Variants in SMYD4 observed in about 807,000 individuals in gnomAD.
SMYD4 encodes the protein SET and MYND domain containing 4, also known as protein-lysine N-methyltransferase SMYD4.
SMYD4 carries 68 observed loss-of-function variants against 72.8 expected under a neutral mutation model. That is an observed-to-expected ratio of 0.93 (90% CI 0.77 to 1.14). SMYD4 has a LOEUF of 1.14. Ranked by LOEUF, SMYD4 falls within the 50% of genes most tolerant of loss-of-function variation. The pLI, the probability that SMYD4 is intolerant of heterozygous loss-of-function variation, is 0.00. For missense variants in SMYD4, 984 were observed against 1,003.7 expected (o/e 0.98, Z 0.27); for synonymous variants, 407 against 388.6 (o/e 1.05, Z -0.56).
intron 2 of SMYD4, among the ~76,000 whole-genome samples, chr17:1,816,928 TAGG>T (rs1910631549): frequency 6.6e-6 from 1 of 152,134 alleles, no homozygotes; most frequent in African/African-American, 2.4e-5. Flanking sequence ...TATTGAGTTG[TAGG>T]AGTTCTTTAT....
At chr17:1,828,667 G>A (rs1050973022) in intron 1 of SMYD4, among the ~76,000 whole-genome samples, 2 of 148,502 alleles carry the variant, frequency 1.3e-5, no homozygotes, top group Admixed American at 1.4e-4. Flanking sequence ...GCACCATCTC[G>A]GCTCACTGCA....
At chr17:1,794,866 A>G (rs1285098880) in intron 5 of SMYD4, among the ~76,000 whole-genome samples, 2 of 152,062 alleles carry the variant, frequency 1.3e-5, no homozygotes, top group African/African-American at 4.8e-5. Flanking sequence ...AGGAAACTCA[A>G]AGTTTTCAGT....
chr17:1,784,297 G>A (rs1243477801), intron 8 of SMYD4, 29 bp downstream of exon 8: 2 of 1,613,746 alleles, frequency 1.2e-6, no homozygotes, highest in Non-Finnish European at 8.5e-7. Context: ...GGAAGGGGCT[G>A]GAGGACCAAA....
At chr17:1,814,598 G>C (rs1243159497) in intron 2 of SMYD4, 1 of 152,016 alleles carries the variant, frequency 6.6e-6, no homozygotes, top group Non-Finnish European at 1.5e-5. Context: ...GGCCGAGGTG[G>C]GCAGGTCACC....
In SMYD4 at chr17:1,784,341, T is replaced by C. The variant is rs760193709; in HGVS notation, c.2005A>G (p.Arg669Gly). 30 of 1,614,078 alleles carry C rather than the reference T, an allele frequency of 1.9e-5. No homozygotes were observed. Among genetic ancestry groups the C allele is most frequent in the Non-Finnish European group, 2.5e-5 (29 of 1,180,044 alleles). The change falls in exon 8 of 11, where the codon AGA becomes GGA. Residue 669 changes from arginine (R) to glycine (G), a missense_variant. Physicochemically the swap from Arg to Gly is moderately radical, Grantham distance 125. Coordinates refer to ENST00000305513, the MANE Select transcript of SMYD4 (RefSeq NM_052928.3). ...CCAGTCTCACCTAGTTCACCATCTC[T>C]GAGAAGCTTCTGGGCCACTCTGACC... is the stretch of plus-strand genomic sequence containing the variant. The part of the protein sequence containing the change: ...QQVRVAQKLL[R>G]DGELERAVQR...
intron 5 of SMYD4, among the ~76,000 whole-genome samples, chr17:1,796,771 A>G (rs1909431035): frequency 6.6e-6 from 1 of 152,144 alleles, no homozygotes; most frequent in East Asian, 1.9e-4. Flanking sequence ...TGGAATCAAG[A>G]GTTGGTAACT....
chr17:1,817,119 C>T (rs1406975697), intron 2 of SMYD4, among the ~76,000 whole-genome samples: 1 of 151,690 alleles, frequency 6.6e-6, no homozygotes, highest in African/African-American at 2.4e-5. Context: ...GCCACTGCAA[C>T]CTCCGCCTCC....
rs777365981 is a variant in SMYD4 at position 1,799,906 on chromosome 17, C to G, written c.1488G>C (p.Met496Ile). The G allele has an allele frequency of 4.3e-6, 7 of 1,613,426 alleles. No individual in the cohort carries two copies. In the South Asian group the frequency reaches 6.6e-5, roughly 15 times the overall value. ...CCTGAGCGTTACACTGAAGCTGTAA[C>G]ATGTGTCTCAGCATCGCCACTCCCC... ...TIWGVAMLRH[M>I]LQLQCNAQAM... The change falls in exon 5 of 11, where the codon ATG (methionine) becomes ATC (isoleucine). Residue 496 changes from methionine (M) to isoleucine (I), a missense_variant. Physicochemically the swap from Met to Ile is conservative, Grantham distance 10. Transcript: ENST00000305513.
chr17:1,809,263 A>AT (rs1910197289), intron 3 of SMYD4, among the ~76,000 whole-genome samples: 1 of 152,180 alleles, frequency 6.6e-6, no homozygotes, highest in African/African-American at 2.4e-5. Context: ...TTAAGCCCAT[A>AT]TAAGTATCTT....
intron 2 of SMYD4, among the ~76,000 whole-genome samples, chr17:1,818,964 AT>A (rs144756038): frequency 0.057 from 8,690 of 151,922 alleles, 855 homozygotes; most frequent in African/African-American, 0.2. Flanking sequence ...AATTTTTTTA[AT>A]GAGTAATTTT....
chr17:1,793,974 C>T (rs1293144523), intron 5 of SMYD4, among the ~76,000 whole-genome samples: 12 of 126,322 alleles, frequency 9.5e-5, no homozygotes, highest in Admixed American at 3.2e-4. Flanking sequence ...GCATCCACCA[C>T]CACGCTTGGC....
rs1182348282 is a variant in SMYD4 at position 1,800,183 on chromosome 17, A to ATGT, written c.1208_1210dup (p.Asn403dup). ...GCATCCAGGAATTGGGGTCTCAACG[A>ATGT]TGTTGCCATTTTTCTCACTCTCCCC... is the stretch of plus-strand genomic sequence containing the variant. On this transcript the variant is annotated inframe_insertion, in exon 5 of 11. Transcript: ENST00000305513. 6.2e-7 allele frequency: 1 copy of ATGT among 1,610,628 alleles called. No homozygotes were observed. Among genetic ancestry groups the ATGT allele is most frequent in the Non-Finnish European group, 8.5e-7 (1 of 1,177,590 alleles).
chr17:1,798,429 T>C (rs936121306), intron 5 of SMYD4, among the ~76,000 whole-genome samples: 7 of 152,116 alleles, frequency 4.6e-5, no homozygotes, highest in East Asian at 3.9e-4. Flanking sequence ...TATAAGAAAC[T>C]TGCTATTACT....
chr17:1,808,181 T>C (rs1012230071), intron 3 of SMYD4, among the ~76,000 whole-genome samples: 13 of 152,278 alleles, frequency 8.5e-5, no homozygotes, highest in East Asian at 5.8e-4. Context: ...CATATTTACA[T>C]AGAAAGATGC....
intron 8 of SMYD4, 155 bp from the exon 9 acceptor site, chr17:1,783,631 A>C: frequency 7.5e-7 from 1 of 1,324,626 alleles, no homozygotes; most frequent in Non-Finnish European, 1.0e-6. Flanking sequence ...CTGTTCCAAT[A>C]AAGCTGCTGT....
In SMYD4 at chr17:1,811,842, G is replaced by A. The variant is rs937440386; in HGVS notation, c.279+129C>T. On this transcript the variant is annotated intron_variant, in intron 3 of 10. Coordinates refer to ENST00000305513, the MANE Select transcript of SMYD4 (RefSeq NM_052928.3). ...CTCAGGAGACTAAGGTGGGAGGATC[G>A]CTTGAACCCAGGAGGCGAATGTTGC... 26 of 946,452 alleles carry A rather than the reference G, an allele frequency of 2.7e-5. No individual in the cohort carries two copies. The East Asian group carries it at 2.8e-4, about 10-fold the overall frequency. The allele number at this position is 946,452 out of a possible 1,614,324, so 58.6% of individuals were successfully genotyped here.
chr17:1,804,046 T>C (rs1909909301), intron 4 of SMYD4, among the ~76,000 whole-genome samples: 1 of 151,302 alleles, frequency 6.6e-6, no homozygotes, highest in South Asian at 2.1e-4. Context: ...CAGCTCATTT[T>C]TTGTATTTTT....
chr17:1,816,824 T>C (rs567634645), intron 2 of SMYD4, among the ~76,000 whole-genome samples: 17 of 152,004 alleles, frequency 1.1e-4, no homozygotes, highest in African/African-American at 3.9e-4. Flanking sequence ...ATGAATGATG[T>C]TGAACATCTT....
chr17:1,811,323 T>C (rs1191166803), intron 3 of SMYD4, among the ~76,000 whole-genome samples: 2 of 152,126 alleles, frequency 1.3e-5, no homozygotes, highest in East Asian at 1.9e-4. Context: ...CACAGATGCA[T>C]GCCACCACTA....
Sources: gnomAD v4.1 joint callset for allele counts (sites outside exome capture counted in the v4.1 genomes callset) on GRCh38, gnomAD v4.1.1 for gene constraint, MANE v1.5 for transcripts, NCBI Gene and HGNC (gene_info 2026-07-23, HGNC 2026-07-21) for gene names.